Variants in DNAH7 observed in about 807,000 individuals in gnomAD.
DNAH7 encodes axonemal beta dynein heavy chain 7.
DNAH7 carries 397 observed loss-of-function variants against 444.6 expected under a neutral mutation model. That is an observed-to-expected ratio of 0.89 (90% CI 0.82 to 0.97). DNAH7 has a LOEUF of 0.97. DNAH7 is among the 50% of genes least tolerant of loss of function. The pLI, the probability that DNAH7 is intolerant of heterozygous loss-of-function variation, is 0.00. For synonymous variants in DNAH7, 1,636 were observed against 1,624.4 expected, an observed-to-expected ratio of 1.01 and a Z score of -0.17; for missense variants, 4,902 against 4,800.8, an observed-to-expected ratio of 1.02 and a Z score of -0.62.
At chr2:195,838,616 T>A (rs1698509740) in intron 47 of DNAH7, among the ~76,000 whole-genome samples, 1 of 151,520 alleles carries the variant, frequency 6.6e-6, no homozygotes, top group South Asian at 2.1e-4. Context: ...ATATATATAG[T>A]CCAATTTGAT....
At chr2:195,975,731 C>T (rs963903897) in intron 15 of DNAH7, among the ~76,000 whole-genome samples, 1 of 152,134 alleles carries the variant, frequency 6.6e-6, no homozygotes, top group East Asian at 1.9e-4. Flanking sequence ...TCAGCCACAG[C>T]AGGATAGGGC....
At chr2:195,996,108 C>A (rs1693677254) in intron 12 of DNAH7, among the ~76,000 whole-genome samples, 1 of 152,304 alleles carries the variant, frequency 6.6e-6, no homozygotes, top group Admixed American at 6.5e-5. Flanking sequence ...ACAGAAAATA[C>A]ACTAGAGTGC....
intron 34 of DNAH7, among the ~76,000 whole-genome samples, chr2:195,885,010 A>G (rs1406709806): frequency 6.6e-6 from 1 of 152,220 alleles, no homozygotes; most frequent in Non-Finnish European, 1.5e-5. Context: ...CTTAGAGAAG[A>G]TGATACAAAA....
intron 23 of DNAH7, 140 bp downstream of exon 23, chr2:195,923,454 GA>G (rs1164868540): frequency 1.4e-6 from 1 of 711,998 alleles, no homozygotes; most frequent in African/African-American, 1.8e-5. Flanking sequence ...TCAATATAAA[GA>G]AATGCTTACT....
intron 2 of DNAH7, among the ~76,000 whole-genome samples, chr2:196,051,644 G>A (rs1357230054): frequency 6.6e-6 from 1 of 152,076 alleles, no homozygotes; most frequent in Non-Finnish European, 1.5e-5. Context: ...GTGGGTGCCT[G>A]TAGTCCCAGC....
At chr2:195,965,241 GTTCA>G (rs1173843134) in intron 17 of DNAH7, among the ~76,000 whole-genome samples, 14 of 151,934 alleles carry the variant, frequency 9.2e-5, no homozygotes, top group Non-Finnish European at 5.9e-5. Context: ...TATTTTTGTC[GTTCA>G]TTCTCTTTAT....
rs1488165558 is a variant in DNAH7 at position 195,738,116 on chromosome 2, C to T, written c.11880G>A (p.Lys3960=). 6.2e-7 allele frequency: 1 copy of T among 1,613,712 alleles called. No homozygotes were observed. Among genetic ancestry groups the T allele is most frequent in the Admixed American group, 1.7e-5 (1 of 59,998 alleles). ...TTGGTATATCTGCCCTCTTACAGGG[C>T]TTTAGCCACATCTGGAAGAAAGTAC... ...LYDTVPVMWL[K]PCKRADIPKR... is the part of the protein sequence containing the mutation. The change falls in exon 65 of 65, where the codon AAG becomes AAA. Residue 3960 remains lysine (K), a synonymous_variant. Transcript: ENST00000312428.
chr2:195,962,901 TATA>T (rs149707554), intron 17 of DNAH7, among the ~76,000 whole-genome samples: 2,418 of 152,264 alleles, frequency 0.016, 76 homozygotes, highest in African/African-American at 0.055. Context: ...ATTCATTTAA[TATA>T]ATGACTTCCA....
At chr2:195,799,177 G>T in intron 55 of DNAH7, 119 bp downstream of exon 55, 1 of 870,190 alleles carries the variant, frequency 1.1e-6, no homozygotes, top group Non-Finnish European at 1.6e-6. Flanking sequence ...GTCAACTTGT[G>T]ATAACTTTCA....
At chr2:196,035,715 G>C (rs1351955592) in intron 5 of DNAH7, among the ~76,000 whole-genome samples, 1 of 152,222 alleles carries the variant, frequency 6.6e-6, no homozygotes, top group Non-Finnish European at 1.5e-5. Context: ...CAGTAGGCCA[G>C]TTCAGCCCAG....
At chr2:196,056,092 C>T (rs1390715517) in intron 2 of DNAH7, among the ~76,000 whole-genome samples, 2 of 152,212 alleles carry the variant, frequency 1.3e-5, no homozygotes, top group African/African-American at 2.4e-5. Context: ...GCTGGCCTCA[C>T]CTTGGATTCC....
chr2:195,742,673 C>T (rs1450294330), intron 63 of DNAH7, among the ~76,000 whole-genome samples: 1 of 152,142 alleles, frequency 6.6e-6, no homozygotes, highest in Non-Finnish European at 1.5e-5. Context: ...ATGCCCTTTG[C>T]CATCTGTGAG....
At chr2:195,922,710 C>T (rs1156471593) in intron 23 of DNAH7, among the ~76,000 whole-genome samples, 3 of 152,272 alleles carry the variant, frequency 2.0e-5, no homozygotes, top group African/African-American at 7.2e-5. Flanking sequence ...AAACTATGCA[C>T]CTGTCTATGC....
At chr2:195,817,981 C>A in intron 49 of DNAH7, 152 bp from the exon 50 acceptor site, 1 of 535,218 alleles carries the variant, frequency 1.9e-6, no homozygotes, top group Non-Finnish European at 3.0e-6. Flanking sequence ...TGATTAACGA[C>A]ATAGGCAAAT....
At chr2:196,020,487 T>C (rs1247413422) in intron 8 of DNAH7, among the ~76,000 whole-genome samples, 2 of 152,218 alleles carry the variant, frequency 1.3e-5, no homozygotes, top group African/African-American at 4.8e-5. Flanking sequence ...GTATCACCTT[T>C]GCAATTATGA....
chr2:195,739,808 C>CA (rs1692884445), intron 64 of DNAH7, among the ~76,000 whole-genome samples: 1 of 152,216 alleles, frequency 6.6e-6, no homozygotes, highest in South Asian at 2.1e-4. Flanking sequence ...TCATCCAACA[C>CA]ACGTTCCCAG....
At chr2:195,987,837 A>C (rs1280175693) in intron 13 of DNAH7, 120 bp downstream of exon 13, 18 of 1,010,282 alleles carry the variant, frequency 1.8e-5, no homozygotes, top group Non-Finnish European at 2.3e-5. Flanking sequence ...GAAGCTCAAT[A>C]AATATTTTTC....
chr2:195,863,462 C>T (rs1274284902), intron 41 of DNAH7, among the ~76,000 whole-genome samples: 1 of 152,168 alleles, frequency 6.6e-6, no homozygotes, highest in African/African-American at 2.4e-5. Context: ...CCTTCCCCAC[C>T]CCTCGTTCCT....
intron 58 of DNAH7, among the ~76,000 whole-genome samples, chr2:195,786,569 ATT>A (rs11397952): frequency 2.8e-5 from 4 of 145,228 alleles, no homozygotes; most frequent in African/African-American, 1.0e-4. Flanking sequence ...GCTTAAATAG[ATT>A]TTTTTTTTTT....
Sources: allele counts gnomAD v4.1 joint callset (sites outside exome capture counted in the v4.1 genomes callset), GRCh38; gene constraint gnomAD v4.1.1; transcripts MANE v1.5; gene names NCBI Gene and HGNC (gene_info 2026-07-23, HGNC 2026-07-21).